The following KLF3 variants were observed in gnomAD, a reference collection of about 807,000 sequenced individuals.
KLF3 encodes KLF transcription factor 3, also known as Krueppel-like factor 3.
KLF3 carries 6 observed loss-of-function variants against 32.7 expected under a neutral mutation model. The ratio of observed to expected loss-of-function variants is 0.18; its 90% CI spans 0.10 to 0.36. The LOEUF (loss-of-function observed/expected upper bound fraction) is 0.36, where lower values mean the gene tolerates loss of function less well. Ranked by LOEUF, KLF3 falls within the 10% of genes least tolerant of loss-of-function variation. The pLI, the probability that KLF3 is intolerant of heterozygous loss-of-function variation, is 1.00. For synonymous variants in KLF3, 145 were observed against 172.8 expected, an observed-to-expected ratio of 0.84 and a Z score of 1.26; for missense variants, 338 against 449.7, an observed-to-expected ratio of 0.75 and a Z score of 2.25.
chr4:38,696,198 A>AAC (rs1553895131), intron 5 of KLF3, among the ~76,000 whole-genome samples: 1 of 151,624 alleles, frequency 6.6e-6, no homozygotes, highest in Non-Finnish European at 1.5e-5. Flanking sequence ...AAAAAAAAAA[A>AAC]AAAAAAAAAA....
At chr4:38,672,045 A>G (rs2109238722) in intron 1 of KLF3, among the ~76,000 whole-genome samples, 1 of 152,320 alleles carries the variant, frequency 6.6e-6, no homozygotes, top group East Asian at 1.9e-4. Context: ...GATGGTACTA[A>G]TAAGGTCTCT....
At chr4:38,683,095 A>G (rs1053177844) in intron 2 of KLF3, among the ~76,000 whole-genome samples, 1 of 152,148 alleles carries the variant, frequency 6.6e-6, no homozygotes, top group Non-Finnish European at 1.5e-5. Flanking sequence ...TCCTGCCTTC[A>G]TAGGTGAAGT....
chr4:38,688,504 T>C lies in KLF3; in HGVS notation c.58-81T>C. 1.5e-6 allele frequency: 2 copies of C among 1,363,118 alleles called. No homozygotes were observed. The highest frequency in any genetic ancestry group is 2.0e-6 in the Non-Finnish European group (2 of 999,658). The allele number at this position is 1,363,118 out of a possible 1,614,324, so 84.4% of individuals were successfully genotyped here. A position where few individuals can be genotyped will look rare whatever the true frequency, so the allele number is the denominator to read the frequency against. Reference sequence around the variant, plus strand: ...GCCCATGTAATTGTTAAGTGCCTTGTTAGCATATTTTTCTTAATTCATGTT... The same window carrying C: ...GCCCATGTAATTGTTAAGTGCCTTGCTAGCATATTTTTCTTAATTCATGTT... On this transcript the variant is annotated intron_variant, in intron 2 of 5. Transcript: ENST00000261438. The surrounding 1 kb of genome is among the most constrained non-coding windows in gnomAD (Gnocchi z 4.9).
chr4:38,692,356 A>C (rs1722899990), intron 4 of KLF3, among the ~76,000 whole-genome samples: 1 of 152,218 alleles, frequency 6.6e-6, no homozygotes, highest in African/African-American at 2.4e-5. Flanking sequence ...CGGCAGGTTA[A>C]CTGTGCTCAG....
At chr4:38,675,218 T>A (rs886282124) in intron 1 of KLF3, among the ~76,000 whole-genome samples, 2 of 152,254 alleles carry the variant, frequency 1.3e-5, no homozygotes, top group African/African-American at 4.8e-5. Flanking sequence ...CTGTTTCTCC[T>A]TTTTGAGGAC....
At position 38,689,083 on chromosome 4, in the gene KLF3, C is replaced by T. The variant is rs1722795210; in HGVS notation, c.544+12C>T. 2 of 1,611,678 alleles carry T rather than the reference C, an allele frequency of 1.2e-6. No homozygotes were observed. Among genetic ancestry groups the T allele is most frequent in the Admixed American group, 3.3e-5 (2 of 59,978 alleles). On this transcript the variant is annotated intron_variant, in intron 3 of 5. Transcript: ENST00000261438. The stretch of plus-strand genomic sequence containing the variant: ...TAGTAGCATGCAAGGTAAATTCCGC[C>T]ACTGCTCCATGCTGCTGCACTTGCT...
chr4:38,666,528 C>A (rs1722048602), intron 1 of KLF3, among the ~76,000 whole-genome samples: 1 of 152,078 alleles, frequency 6.6e-6, no homozygotes, highest in Non-Finnish European at 1.5e-5. Context: ...ATTTTACTAT[C>A]TTAAAAATAA....
Position 38,689,773 on chromosome 4 carries a change from A to G in KLF3, c.589A>G (p.Ile197Val), listed in dbSNP as rs751979944. Residue 197 changes from isoleucine to valine, a missense_variant, in exon 4 of 6, where the codon ATT (isoleucine) becomes GTT (valine). Physicochemically the swap from Ile to Val is conservative, Grantham distance 29 (BLOSUM62 3). Around this residue, in one of 2 missense-constraint regions of KLF3, gnomAD observed 272 missense variants for 313.4 expected, o/e 0.87. Transcript: ENST00000261438. ...TGAGAAGCCTATATCACAGAAAAAAATTAAAATAGAACCTGGGATCGAACC... is the reference window on the plus strand; with the variant it reads ...TGAGAAGCCTATATCACAGAAAAAAGTTAAAATAGAACCTGGGATCGAACC... ...SYEKPISQKK[I>V]KIEPGIEPQR... 6.2e-6 allele frequency: 10 copies of G among 1,609,110 alleles called. No individual in the cohort carries two copies. In the South Asian group the frequency reaches 1.1e-4, roughly 18 times the overall value.
rs986125914 is a variant in KLF3 at position 38,699,715 on chromosome 4, A to G, written c.*2452A>G. 3 of 152,210 alleles carry G rather than the reference A, an allele frequency of 2.0e-5. No individual in the cohort carries two copies. The highest frequency in any genetic ancestry group is 4.4e-5 in the Non-Finnish European group (3 of 68,042). 9.4% of individuals were successfully genotyped at this position (152,210 alleles called of 1,614,324 possible). On this transcript the variant is annotated 3_prime_UTR_variant, in exon 6 of 6. Transcript: ENST00000261438. ...TGTGTTAACAGTTCATTTAACAAAG[A>G]TCCGTTTTAACTCTGAACAAAAGCA...
At chr4:38,692,297 A>G (rs956473132) in intron 4 of KLF3, among the ~76,000 whole-genome samples, 1 of 151,980 alleles carries the variant, frequency 6.6e-6, no homozygotes. Flanking sequence ...AGATCCCAAG[A>G]CTCTTCATCT....
chr4:38,694,765 G>T lies in KLF3; in HGVS notation c.715G>T (p.Val239Leu). 6.3e-7 allele frequency: 1 copy of T among 1,577,550 alleles called. No individual in the cohort carries two copies. The highest frequency in any genetic ancestry group is 8.6e-7 in the Non-Finnish European group (1 of 1,168,314). Residue 239 changes from valine (V) to leucine (L), a missense_variant, in exon 5 of 6, where the codon GTG becomes TTG. Physicochemically the swap from Val to Leu is conservative, Grantham distance 32 (BLOSUM62 1). This residue lies in a region of KLF3 where 272 missense variants were observed against 313.4 expected (regional missense o/e 0.87). Coordinates refer to ENST00000261438, the MANE Select transcript of KLF3 (RefSeq NM_016531.6). ...LLQENHPSVI[V>L]QPGKRPLPVE... ...TCACAGGAATCACCCTTCGGTCATC[G>T]TGCAGCCTGGGAAGAGACCTTTACC...
rs1722620945 is a variant in KLF3 at position 38,684,213 on chromosome 4, CT to C, written c.57+3534del. On this transcript the variant is annotated intron_variant, in intron 2 of 5. Coordinates refer to ENST00000261438, the MANE Select transcript of KLF3 (RefSeq NM_016531.6). ...ATCACCTTAGCATAAAGTGATAGAGCTTTGGGAAATTATCCAAACATGGTAC... is the reference window on the plus strand; with the variant it reads ...ATCACCTTAGCATAAAGTGATAGAGCTTGGGAAATTATCCAAACATGGTAC... Among the ~76,000 whole-genome samples the C allele has an allele frequency of 2.0e-5, 3 of 152,250 alleles. No homozygotes were observed. The South Asian group carries it at 6.2e-4, about 32-fold the overall frequency.
intron 2 of KLF3, among the ~76,000 whole-genome samples, chr4:38,687,411 G>C (rs1482443107): frequency 6.6e-6 from 1 of 152,206 alleles, no homozygotes; most frequent in East Asian, 1.9e-4. Flanking sequence ...TGAACTCCAT[G>C]GTCAAGGATA....
chr4:38,697,346 T>G lies in KLF3; in HGVS notation c.*83T>G, dbSNP rs183492702. ...TGCCTCCCATTATCTAACACATTTT[T>G]TACATGTACATTTTAATTTGATTCA... On this transcript the variant is annotated 3_prime_UTR_variant, in exon 6 of 6. Coordinates refer to ENST00000261438, the MANE Select transcript of KLF3 (RefSeq NM_016531.6). The G allele has an allele frequency of 6.8e-5, 85 of 1,247,704 alleles. No homozygotes were observed. The African/African-American group carries it at 9.8e-4, about 14-fold the overall frequency. The allele number at this position is 1,247,704 out of a possible 1,614,324, so 77.3% of individuals were successfully genotyped here.
At chr4:38,675,605 A>G (rs1220268159) in intron 1 of KLF3, among the ~76,000 whole-genome samples, 1 of 152,186 alleles carries the variant, frequency 6.6e-6, no homozygotes, top group Non-Finnish European at 1.5e-5. Context: ...TAAAATGATT[A>G]ATAGAATTCC....
chr4:38,693,742 C>A (rs1181476384), intron 4 of KLF3, among the ~76,000 whole-genome samples: 2 of 152,122 alleles, frequency 1.3e-5, no homozygotes, highest in African/African-American at 4.8e-5. Flanking sequence ...AGTAATTAGT[C>A]ATTAGGAAAG....
chr4:38,674,217 C>T lies in KLF3; in HGVS notation c.-39-6370C>T, dbSNP rs1490231412. ...TAGCTTTGTTTCAGGGAGCCTCCAG[C>T]TTAAAAATGCCTGCTGACATCTGTT... On this transcript the variant is annotated intron_variant, in intron 1 of 5. Transcript: ENST00000261438. The surrounding 1 kb of genome is among the most constrained non-coding windows in gnomAD (Gnocchi z 4.1). Among the ~76,000 whole-genome samples the T allele has an allele frequency of 1.3e-5, 2 of 152,122 alleles. No homozygotes were observed. The highest frequency in any genetic ancestry group is 2.9e-5 in the Non-Finnish European group (2 of 68,016).
At position 38,700,157 on chromosome 4, in the gene KLF3, C is replaced by T. The variant is rs1723158458; in HGVS notation, c.*2894C>T. The T allele has an allele frequency of 6.6e-6, 1 of 152,102 alleles. No individual in the cohort carries two copies. The highest frequency in any genetic ancestry group is 6.5e-5 in the Admixed American group (1 of 15,276). 9.4% of individuals were successfully genotyped at this position (152,102 alleles called of 1,614,324 possible). ...AAATGGGCATTAACATTCTAAATTG[C>T]TTGGTTTGGAGAATGTGTTAGCAGC... On this transcript the variant is annotated 3_prime_UTR_variant, in exon 6 of 6. Transcript: ENST00000261438.
Position 38,688,514 on chromosome 4 carries a change from TTTC to T in KLF3, c.58-68_58-66del. The T allele has an allele frequency of 6.9e-7, 1 of 1,438,934 alleles. No individual in the cohort carries two copies. The highest frequency in any genetic ancestry group is 9.4e-7 in the Non-Finnish European group (1 of 1,066,082). 89.1% of individuals were successfully genotyped at this position (1,438,934 alleles called of 1,614,324 possible). On this transcript the variant is annotated intron_variant, in intron 2 of 5. Transcript: ENST00000261438. The surrounding 1 kb of genome is among the most constrained non-coding windows in gnomAD (Gnocchi z 4.9). ...TTGTTAAGTGCCTTGTTAGCATATT[TTTC>T]TTAATTCATGTTTCAAGTAAATGGA...
Sources: gnomAD v4.1 joint callset for allele counts (sites outside exome capture counted in the v4.1 genomes callset) on GRCh38, gnomAD v4.1.1 for gene constraint, gnomAD v4.1.1 regional missense constraint, Gnocchi (gnomAD v3.1) non-coding constraint, MANE v1.5 for transcripts, NCBI Gene and HGNC (gene_info 2026-07-23, HGNC 2026-07-21) for gene names.